DNAH5: variants seen among roughly 807,000 people sequenced by gnomAD.
DNAH5 encodes the protein dynein axonemal heavy chain 5.
In DNAH5, 372 loss-of-function variants were observed where a neutral mutation model predicts 518.2. That is an observed-to-expected ratio of 0.72 (90% CI 0.66 to 0.78). The LOEUF (loss-of-function observed/expected upper bound fraction) is 0.78. Ranked by LOEUF, DNAH5 falls within the 30% of genes least tolerant of loss-of-function variation. The pLI, the probability that DNAH5 is intolerant of heterozygous loss-of-function variation, is 0.00. For synonymous variants in DNAH5, 2,039 were observed against 2,025.9 expected (o/e 1.01, Z -0.17); for missense variants, 5,523 against 5,687.0 (o/e 0.97, Z 0.93).
chr5:13,708,033 G>A (rs1743026331), intron 76 of DNAH5, 90 bp downstream of exon 76: 1 of 1,416,016 alleles, frequency 7.1e-7, no homozygotes, highest in Admixed American at 1.7e-5. Context: ...ATCATGTTGA[G>A]TAAATTATCC....
chr5:13,846,164 G>C (rs1018639208), intron 31 of DNAH5, among the ~76,000 whole-genome samples: 1 of 151,828 alleles, frequency 6.6e-6, no homozygotes, highest in Admixed American at 6.6e-5. Context: ...AGGTTCAGGG[G>C]TTCATGTGCA....
rs549164618 is a variant in DNAH5 at position 13,901,474 on chromosome 5, C to T, written c.1830G>A (p.Gln610=). Residue 610 remains glutamine, a synonymous_variant, in exon 14 of 79, where the codon CAG becomes CAA. Coordinates refer to ENST00000265104, the MANE Select transcript of DNAH5 (RefSeq NM_001369.3). ...TTCGAGCCAGAGGAGGATCGTATTTCTGCTTTGTATACAGCTTTGAAATCA... is the reference window on the plus strand; with the variant it reads ...TTCGAGCCAGAGGAGGATCGTATTTTTGCTTTGTATACAGCTTTGAAATCA... ...IDMISKLYTK[Q]KYDPPLARNQ... The T allele has an allele frequency of 2.9e-4, 472 of 1,613,908 alleles. 10 individuals carry two copies. The South Asian group carries it at 4.5e-3, about 15-fold the overall frequency.
intron 19 of DNAH5, among the ~76,000 whole-genome samples, chr5:13,884,644 G>A (rs759557058): frequency 2.6e-5 from 4 of 152,140 alleles, no homozygotes; most frequent in Non-Finnish European, 4.4e-5. Flanking sequence ...CGCCACCAGC[G>A]TGCCCAACAT....
At chr5:13,746,835 T>C (rs894445435) in intron 65 of DNAH5, among the ~76,000 whole-genome samples, 1 of 152,132 alleles carries the variant, frequency 6.6e-6, no homozygotes, top group Non-Finnish European at 1.5e-5. Flanking sequence ...AATAAATTTC[T>C]AGCAGAAACA....
Position 13,830,211 on chromosome 5 carries a change from G to A in DNAH5, c.6064C>T (p.Leu2022=), listed in dbSNP as rs1477887293. 1.2e-6 allele frequency: 2 copies of A among 1,613,554 alleles called. No individual in the cohort carries two copies. Among genetic ancestry groups the A allele is most frequent in the South Asian group, 1.1e-5 (1 of 91,044 alleles). The change falls in exon 37 of 79, where the codon CTG becomes TTG. Residue 2022 remains leucine, a splice_region_variant and synonymous_variant. Transcript: ENST00000265104. ...CAACCCCAGGATCCAGACTGTGCCAGTCCTTCGAAAGGAAATTAAATGAAA... is the reference window on the plus strand; with the variant it reads ...CAACCCCAGGATCCAGACTGTGCCAATCCTTCGAAAGGAAATTAAATGAAA... ...FRGLGRIFKG[L]AQSGSWGCFD...
intron 65 of DNAH5, among the ~76,000 whole-genome samples, chr5:13,749,668 A>T (rs1749928152): frequency 6.6e-6 from 1 of 152,316 alleles, no homozygotes; most frequent in African/African-American, 2.4e-5. Context: ...AGGGCCCCTT[A>T]TCTCCATGAA....
intron 1 of DNAH5, among the ~76,000 whole-genome samples, chr5:13,986,187 A>G (rs56920184): frequency 0.029 from 4,399 of 152,252 alleles, 218 homozygotes; most frequent in African/African-American, 0.1. Context: ...TTGCGGCTCC[A>G]AGAGGAATCG....
intron 59 of DNAH5, among the ~76,000 whole-genome samples, chr5:13,764,824 A>C (rs1156477886): frequency 6.6e-6 from 1 of 152,268 alleles, no homozygotes; most frequent in Non-Finnish European, 1.5e-5. Flanking sequence ...AACAAAATGA[A>C]GCATATTATA....
chr5:13,811,539 ACT>A (rs1386488296), intron 44 of DNAH5, 106 bp downstream of exon 44: 2 of 1,076,122 alleles, frequency 1.9e-6, no homozygotes, highest in Non-Finnish European at 2.8e-6. Context: ...CAAATATAGT[ACT>A]CTCTGTATAG....
intron 30 of DNAH5, among the ~76,000 whole-genome samples, chr5:13,856,675 A>G (rs906241660): frequency 9.9e-5 from 15 of 152,248 alleles, no homozygotes; most frequent in African/African-American, 3.6e-4. Flanking sequence ...ACCACAATCA[A>G]GTCAGCTTCA....
intron 47 of DNAH5, among the ~76,000 whole-genome samples, chr5:13,801,859 A>AG (rs1758806962): frequency 6.6e-6 from 1 of 152,118 alleles, no homozygotes. Flanking sequence ...TTAAAAAAAA[A>AG]CACATAGACT....
In DNAH5 at chr5:13,910,252, C is replaced by T. The variant is rs144893172; in HGVS notation, c.1644+1134G>A. On this transcript the variant is annotated intron_variant, in intron 12 of 78. Coordinates refer to ENST00000265104, the MANE Select transcript of DNAH5 (RefSeq NM_001369.3). ...ACCCCAACTCCACCCCTTGTTATGCCTGTGACTTTAGGCAAGCCACTTCCC... is the reference window on the plus strand; with the variant it reads ...ACCCCAACTCCACCCCTTGTTATGCTTGTGACTTTAGGCAAGCCACTTCCC... 1.5e-3 allele frequency among the ~76,000 whole-genome samples: 226 copies of T among 152,336 alleles called. 1 individual carries two copies. The highest frequency in any genetic ancestry group is 2.6e-3 in the Non-Finnish European group (178 of 68,034).
intron 30 of DNAH5, among the ~76,000 whole-genome samples, chr5:13,854,818 A>C (rs1473935374): frequency 6.6e-6 from 1 of 152,232 alleles, no homozygotes; most frequent in Non-Finnish European, 1.5e-5. Context: ...AGAAGAGCTA[A>C]CTATCCTAAA....
chr5:13,947,326 C>T (rs1016477337), upstream of DNAH5, among the ~76,000 whole-genome samples: 2 of 152,092 alleles, frequency 1.3e-5, no homozygotes, highest in African/African-American at 2.4e-5. Context: ...ATGTACATCC[C>T]GTTCCATATG....
At chr5:13,825,233 A>G (rs557121573) in intron 38 of DNAH5, among the ~76,000 whole-genome samples, 14 of 152,168 alleles carry the variant, frequency 9.2e-5, no homozygotes, top group African/African-American at 3.4e-4. Context: ...GATCCCAGCT[A>G]CTCAGGAGGC....
At chr5:13,757,986 T>C (rs1561188044) in intron 61 of DNAH5, among the ~76,000 whole-genome samples, 1 of 152,064 alleles carries the variant, frequency 6.6e-6, no homozygotes, top group Non-Finnish European at 1.5e-5. Context: ...AGAGTGAATC[T>C]AGCTATTATT....
chr5:13,900,841 T>C (rs1455643451), intron 14 of DNAH5: 2 of 307,106 alleles, frequency 6.5e-6, no homozygotes, highest in African/African-American at 4.4e-5. Context: ...TACAAAGAAA[T>C]ACATGTATTG....
chr5:13,746,313 C>A (rs1749324956), intron 65 of DNAH5, among the ~76,000 whole-genome samples: 1 of 152,130 alleles, frequency 6.6e-6, no homozygotes, highest in Non-Finnish European at 1.5e-5. Context: ...CACCTAGAAT[C>A]CAGAAGCTTC....
At chr5:13,941,573 C>G (rs1287439443) in intron 1 of DNAH5, among the ~76,000 whole-genome samples, 1 of 152,174 alleles carries the variant, frequency 6.6e-6, no homozygotes, top group African/African-American at 2.4e-5. Context: ...TTTCAGATTT[C>G]AAAAGATAAT....
Sources: allele counts gnomAD v4.1 joint callset (sites outside exome capture counted in the v4.1 genomes callset), GRCh38; gene constraint gnomAD v4.1.1; transcripts MANE v1.5; gene names NCBI Gene and HGNC (gene_info 2026-07-23, HGNC 2026-07-21).